MED13: variants seen among roughly 807,000 people sequenced by gnomAD.
MED13 encodes the protein mediator complex subunit 13.
In MED13, 23 loss-of-function variants were observed where a neutral mutation model predicts 225.2. The ratio of observed to expected loss-of-function variants is 0.10; its 90% CI spans 0.07 to 0.14. The LOEUF (loss-of-function observed/expected upper bound fraction) is 0.14, where lower values mean the gene tolerates loss of function less well. Among genes scored for constraint, MED13 ranks in the 10% least tolerant of loss-of-function variants. The probability of loss-of-function intolerance (pLI) is 1.00; values close to 1 mark genes in which losing one functional copy is unlikely to be tolerated. For missense variants in MED13, 2,197 were observed against 2,594.5 expected, an observed-to-expected ratio of 0.85 and a Z score of 3.33; for synonymous variants, 942 against 889.2, an observed-to-expected ratio of 1.06 and a Z score of -1.06.
chr17:62,019,390 T>C lies in MED13; in HGVS notation c.1284-8157A>G, dbSNP rs374662349. ...CTTTAAAATTTCTCTAAAATATAAA[T>C]AGATGTAATAAACGTACTTTGCAGT... On this transcript the variant is annotated intron_variant, in intron 8 of 29. Transcript: ENST00000397786. Among the ~76,000 whole-genome samples, 877 of 152,330 alleles carry C rather than the reference T, an allele frequency of 5.8e-3. 7 individuals carry two copies. Among genetic ancestry groups the C allele is most frequent in the African/African-American group, 0.02 (835 of 41,572 alleles).
Position 61,946,413 on chromosome 17 carries a change from A to G in MED13, c.*55T>C. On this transcript the variant is annotated 3_prime_UTR_variant, in exon 30 of 30. Transcript: ENST00000397786. The stretch of plus-strand genomic sequence containing the variant: ...GAAGATAATTGTAACTTAATCCTGC[A>G]GCGAAACATCCATTTTTCCTTGTTC... 1 of 1,577,434 alleles carries G rather than the reference A, an allele frequency of 6.3e-7. No homozygotes were observed. Among genetic ancestry groups the G allele is most frequent in the Non-Finnish European group, 8.7e-7 (1 of 1,152,620 alleles).
At chr17:61,990,939 T>G (rs1205385106) in intron 11 of MED13, among the ~76,000 whole-genome samples, 1 of 152,028 alleles carries the variant, frequency 6.6e-6, no homozygotes, top group Non-Finnish European at 1.5e-5. Context: ...GGGAAGAAAA[T>G]GACAGCAAAA....
At chr17:61,954,563 G>C (rs181053133) in intron 26 of MED13, among the ~76,000 whole-genome samples, 5 of 152,102 alleles carry the variant, frequency 3.3e-5, no homozygotes, top group Non-Finnish European at 7.4e-5. Flanking sequence ...GATCATTTGA[G>C]GTCAGGAGTT....
At position 61,966,591 on chromosome 17, in the gene MED13, C is replaced by T. The variant is rs778770037; in HGVS notation, c.4252G>A (p.Val1418Ile). ...SRLLTDGIMR[V>I]GSTASKKLSE... The stretch of plus-strand genomic sequence containing the variant: ...AGTTTCTTTGATGCAGTAGATCCAA[C>T]TCTCATGATCCCATCTGTTAACAGT... The change falls in exon 19 of 30, where the codon GTT becomes ATT. Residue 1418 changes from valine to isoleucine, a missense_variant. Around this residue, in one of 12 missense-constraint regions of MED13, gnomAD observed 457 missense variants for 442.2 expected, o/e 1.03. Transcript: ENST00000397786. 8 of 1,613,904 alleles carry T rather than the reference C, an allele frequency of 5.0e-6. No individual in the cohort carries two copies. The highest frequency in any genetic ancestry group is 8.5e-7 in the Non-Finnish European group (1 of 1,179,890).
At chr17:62,041,930 A>G (rs1048198410) in intron 3 of MED13, among the ~76,000 whole-genome samples, 1 of 152,142 alleles carries the variant, frequency 6.6e-6, no homozygotes, top group Non-Finnish European at 1.5e-5. Flanking sequence ...CGTGAATTCA[A>G]AAGTTTCCAA....
chr17:62,016,837 C>T (rs1476190423), intron 8 of MED13, among the ~76,000 whole-genome samples: 2 of 151,942 alleles, frequency 1.3e-5, no homozygotes, highest in Non-Finnish European at 2.9e-5. Flanking sequence ...AGTGAAACCC[C>T]GTCTCTACTA....
rs2143254517 is a variant in MED13, at chr17:61,943,805, T to C, written c.*2663A>G. The C allele has an allele frequency of 6.6e-6, 1 of 152,586 alleles. No individual in the cohort carries two copies. Among genetic ancestry groups the C allele is most frequent in the Middle Eastern group, 3.4e-3 (1 of 294 alleles). The allele number at this position is 152,586 out of a possible 1,614,324, so 9.5% of individuals were successfully genotyped here. On this transcript the variant is annotated 3_prime_UTR_variant, in exon 30 of 30. Transcript: ENST00000397786. ...TAACTAATCTTTTTAAATGACAAAA[T>C]ACTGAACTTCCACCCTGCTTAATAA...
chr17:62,059,644 A>T (rs1225344042), intron 2 of MED13, among the ~76,000 whole-genome samples: 2 of 152,188 alleles, frequency 1.3e-5, no homozygotes, highest in African/African-American at 4.8e-5. Flanking sequence ...AGAAGAAGGA[A>T]ATAGAGTGCC....
intron 10 of MED13, among the ~76,000 whole-genome samples, chr17:61,993,126 G>A (rs2080315051): frequency 6.6e-6 from 1 of 151,206 alleles, no homozygotes; most frequent in Admixed American, 6.6e-5. Flanking sequence ...AAATATGGCT[G>A]ATAAACAGTG....
rs1039457046 is a variant in MED13 at position 62,019,481 on chromosome 17, T to A, written c.1284-8248A>T. ...AAAAAGTTTGAGAATTAGTCTATTT[T>A]ATGCAAGGCAGTAGGAGAAATAGGA... is the stretch of plus-strand genomic sequence containing the variant. On this transcript the variant is annotated intron_variant, in intron 8 of 29. Transcript: ENST00000397786. Among the ~76,000 whole-genome samples the A allele has an allele frequency of 7.2e-5, 11 of 152,222 alleles. 1 individual carries two copies. Among genetic ancestry groups the A allele is most frequent in the African/African-American group, 1.7e-4 (7 of 41,472 alleles).
chr17:62,053,671 A>G (rs983108431), intron 2 of MED13, among the ~76,000 whole-genome samples: 16 of 152,232 alleles, frequency 1.1e-4, no homozygotes, highest in Admixed American at 9.2e-4. Context: ...CTTTATAAAC[A>G]TTTTGTAAAT....
intron 17 of MED13, among the ~76,000 whole-genome samples, chr17:61,971,912 C>T (rs958278970): frequency 2.0e-5 from 3 of 151,342 alleles, no homozygotes; most frequent in Non-Finnish European, 2.9e-5. Context: ...CCAGCCTGGG[C>T]GACAAAGCGA....
chr17:61,961,997 A>G (rs543457886), intron 21 of MED13, among the ~76,000 whole-genome samples: 65 of 152,186 alleles, frequency 4.3e-4, no homozygotes, highest in Non-Finnish European at 8.1e-4. Flanking sequence ...AAAACCTATA[A>G]AACTTTCTGG....
rs73336415 is a variant in MED13, at chr17:62,018,561, A to G, written c.1284-7328T>C. ...CTCTATTACAAATACACACACACAAAAAGTTAGCTGGGCGTGGTGGCGCAT... is the reference window on the plus strand; with the variant it reads ...CTCTATTACAAATACACACACACAAGAAGTTAGCTGGGCGTGGTGGCGCAT... On this transcript the variant is annotated intron_variant, in intron 8 of 29. Coordinates refer to ENST00000397786, the MANE Select transcript of MED13 (RefSeq NM_005121.3). Among the ~76,000 whole-genome samples, 881 of 152,222 alleles carry G rather than the reference A, an allele frequency of 5.8e-3. 8 individuals are homozygous for G. The highest frequency in any genetic ancestry group is 0.02 in the African/African-American group (832 of 41,544).
chr17:62,065,089 G>A lies in MED13; in HGVS notation c.66+51C>T, dbSNP rs1204684417. 9 of 1,486,844 alleles carry A rather than the reference G, an allele frequency of 6.1e-6. No homozygotes were observed. The African/African-American group carries it at 1.3e-4, about 22-fold the overall frequency. 92.1% of individuals were successfully genotyped at this position (1,486,844 alleles called of 1,614,324 possible). ...CCGGCCCCCTCCCCCACGGCCCAAG[G>A]GCGCACCTCGCGGCCCCCCTCCCTC... On this transcript the variant is annotated intron_variant, in intron 1 of 29. Coordinates refer to ENST00000397786, the MANE Select transcript of MED13 (RefSeq NM_005121.3).
At chr17:61,949,722 C>CT (rs1370772093) in intron 28 of MED13, among the ~76,000 whole-genome samples, 1 of 152,146 alleles carries the variant, frequency 6.6e-6, no homozygotes, top group African/African-American at 2.4e-5. Context: ...GAATCTCACT[C>CT]TGTCACCCAG....
chr17:61,968,309 T>G, intron 17 of MED13, 51 bp from the exon 18 acceptor site: 1 of 1,190,468 alleles, frequency 8.4e-7, no homozygotes, highest in Non-Finnish European at 1.2e-6. Flanking sequence ...AAGACATGTC[T>G]CCTTTTTATT....
At chr17:62,031,899 T>A (rs534827933) in intron 5 of MED13, among the ~76,000 whole-genome samples, 1 of 152,062 alleles carries the variant, frequency 6.6e-6, no homozygotes, top group African/African-American at 2.4e-5. Flanking sequence ...GCAGCTTTCC[T>A]TTTTTTAGAT....
chr17:62,042,334 C>G (rs762073988), intron 3 of MED13, among the ~76,000 whole-genome samples: 4 of 152,018 alleles, frequency 2.6e-5, no homozygotes, highest in Non-Finnish European at 5.9e-5. Flanking sequence ...GAGGCCAAGG[C>G]GGGTGGATCA....
Sources: allele counts gnomAD v4.1 joint callset (sites outside exome capture counted in the v4.1 genomes callset), GRCh38; gene constraint gnomAD v4.1.1; regional missense constraint gnomAD v4.1.1; transcripts MANE v1.5; gene names NCBI Gene and HGNC (gene_info 2026-07-23, HGNC 2026-07-21).